The following PCDHGA2 variants were observed in gnomAD, a reference collection of about 807,000 sequenced individuals.
The protein encoded by PCDHGA2 is protocadherin gamma-A2.
PCDHGA2 carries 40 observed loss-of-function variants against 59.2 expected under a neutral mutation model. That is an observed-to-expected ratio of 0.68 (90% CI 0.52 to 0.88). PCDHGA2 has a LOEUF of 0.88. PCDHGA2 is among the 40% of genes least tolerant of loss of function. PCDHGA2 has a pLI of 0.00. For missense variants in PCDHGA2, 1,226 were observed against 1,204.0 expected (o/e 1.02, Z -0.27); for synonymous variants, 560 against 526.0 (o/e 1.06, Z -0.89).
intron 1 of PCDHGA2, among the ~76,000 whole-genome samples, chr5:141,482,329 T>A (rs1334833454): frequency 6.6e-6 from 1 of 152,160 alleles, no homozygotes; most frequent in Non-Finnish European, 1.5e-5. Context: ...ATAAAGAGAA[T>A]ATCTACTTTG....
At chr5:141,419,807 G>A in intron 1 of PCDHGA2, 2 of 1,614,074 alleles carry the variant, frequency 1.2e-6, no homozygotes, top group South Asian at 1.1e-5. Flanking sequence ...AAGAGATGGA[G>A]GACAGCCACC....
At chr5:141,408,342 TG>T in intron 1 of PCDHGA2, 1 of 1,613,856 alleles carries the variant, frequency 6.2e-7, no homozygotes, top group Non-Finnish European at 8.5e-7. Context: ...GGCTCGGTGG[TG>T]GGGAACCTCG....
chr5:141,457,058 T>A (rs756862311), intron 1 of PCDHGA2, among the ~76,000 whole-genome samples: 2 of 152,230 alleles, frequency 1.3e-5, no homozygotes, highest in Non-Finnish European at 2.9e-5. Flanking sequence ...TCATGCTTCC[T>A]TTTTGCCAGT....
At chr5:141,423,089 G>A in intron 1 of PCDHGA2, 1 of 1,614,016 alleles carries the variant, frequency 6.2e-7, no homozygotes, top group Non-Finnish European at 8.5e-7. Flanking sequence ...TTCGCGGTGG[G>A]GGAGCACACG....
chr5:141,371,294 A>T, intron 1 of PCDHGA2: 2 of 1,614,012 alleles, frequency 1.2e-6, no homozygotes, highest in Non-Finnish European at 1.7e-6. Flanking sequence ...AAACGGGGGA[A>T]CTCACCACTA....
intron 1 of PCDHGA2, chr5:141,364,702 C>A: frequency 1.2e-6 from 2 of 1,613,920 alleles, no homozygotes; most frequent in Non-Finnish European, 1.7e-6. Flanking sequence ...TAGAAATAAT[C>A]GATATTAATG....
At chr5:141,478,675 G>T in intron 1 of PCDHGA2, 1 of 1,551,574 alleles carries the variant, frequency 6.4e-7, no homozygotes, top group Non-Finnish European at 8.7e-7. Flanking sequence ...ACTTTCAACT[G>T]GCCCTTCCTA....
rs1369150914 is a variant in PCDHGA2 at position 141,432,217 on chromosome 5, G to A, written c.2425-62590G>A. The A allele has an allele frequency of 3.1e-6, 5 of 1,614,204 alleles. No individual in the cohort carries two copies. The East Asian group carries it at 6.7e-5, about 22-fold the overall frequency. On this transcript the variant is annotated intron_variant, in intron 1 of 3. Coordinates refer to ENST00000394576, the MANE Select transcript of PCDHGA2 (RefSeq NM_018915.4). The surrounding 1 kb of genome is among the most constrained non-coding windows in gnomAD (Gnocchi z 6.0). ...ACCCCGACTGTGAAGAGAACGCCCAGATCACTTATTCCCTGGCTGAGAACA... is the reference window on the plus strand; with the variant it reads ...ACCCCGACTGTGAAGAGAACGCCCAAATCACTTATTCCCTGGCTGAGAACA...
intron 1 of PCDHGA2, chr5:141,372,545 C>T (rs778761799): frequency 6.2e-7 from 1 of 1,614,032 alleles, no homozygotes; most frequent in South Asian, 1.1e-5. Flanking sequence ...GCCTGCGATG[C>T]TCCTCCAGAC....
chr5:141,362,414 C>G, intron 1 of PCDHGA2: 1 of 1,614,058 alleles, frequency 6.2e-7, no homozygotes, highest in Non-Finnish European at 8.5e-7. Context: ...GCCTCACAAT[C>G]AGCCAAGACA....
intron 1 of PCDHGA2, chr5:141,371,977 T>C (rs1768257593): frequency 1.2e-6 from 2 of 1,613,238 alleles, no homozygotes; most frequent in Non-Finnish European, 1.7e-6. Context: ...CTGCGTGCCT[T>C]CGAGCTCACT....
At chr5:141,409,122 T>G (rs1276365021) in intron 1 of PCDHGA2, 1 of 1,614,026 alleles carries the variant, frequency 6.2e-7, no homozygotes, top group South Asian at 1.1e-5. Context: ...AACCAGTCAT[T>G]TGATTTTGAA....
chr5:141,476,224 G>T lies in PCDHGA2; in HGVS notation c.2425-18583G>T. 6.2e-7 allele frequency: 1 copy of T among 1,614,062 alleles called. No individual in the cohort carries two copies. The highest frequency in any genetic ancestry group is 1.1e-5 in the South Asian group (1 of 91,072). ...AGGCTTCCACGGTCATTCACTATGA[G>T]ATCCCGGAGGAAAGAGAGAAGGGTT... On this transcript the variant is annotated intron_variant, in intron 1 of 3. Transcript: ENST00000394576. This position sits in a 1 kb window ranked among gnomAD's most constrained non-coding sequence, Gnocchi z 7.6.
Position 141,491,324 on chromosome 5 carries a change from T to C in PCDHGA2, c.2425-3483T>C, listed in dbSNP as rs762200164. 16 of 1,614,060 alleles carry C rather than the reference T, an allele frequency of 9.9e-6. No homozygotes were observed. The highest frequency in any genetic ancestry group is 8.3e-5 in the Admixed American group (5 of 60,010). On this transcript the variant is annotated intron_variant, in intron 1 of 3. Transcript: ENST00000394576. This position sits in a 1 kb window ranked among gnomAD's most constrained non-coding sequence, Gnocchi z 6.9. ...CGTTCAGACCTTACCCTTTACCTCA[T>C]TGTGGCTCTAGCGACCGTCAGTCTC...
Position 141,432,184 on chromosome 5 carries a change from C to T in PCDHGA2, c.2425-62623C>T, listed in dbSNP as rs774512372. 3.7e-6 allele frequency: 6 copies of T among 1,614,164 alleles called. No homozygotes were observed. The highest frequency in any genetic ancestry group is 2.2e-5 in the South Asian group (2 of 91,080). On this transcript the variant is annotated intron_variant, in intron 1 of 3. Transcript: ENST00000394576. The surrounding 1 kb of genome is among the most constrained non-coding windows in gnomAD (Gnocchi z 6.0). Reference sequence around the variant, plus strand: ...GAGGAGTTTCCCTCGTCTCTGTGACCGCCCACGACCCCGACTGTGAAGAGA... The same window carrying T: ...GAGGAGTTTCCCTCGTCTCTGTGACTGCCCACGACCCCGACTGTGAAGAGA...
At chr5:141,396,954 C>G (rs2093459266) in intron 1 of PCDHGA2, among the ~76,000 whole-genome samples, 1 of 152,172 alleles carries the variant, frequency 6.6e-6, no homozygotes. Flanking sequence ...GAAAGAAAAT[C>G]CTTACTCTCC....
chr5:141,355,393 C>T lies in PCDHGA2; in HGVS notation c.2424+13998C>T, dbSNP rs375047889. 2.4e-5 allele frequency: 38 copies of T among 1,613,946 alleles called. No individual in the cohort carries two copies. The African/African-American group carries it at 4.7e-4, about 20-fold the overall frequency. On this transcript the variant is annotated intron_variant, in intron 1 of 3. Transcript: ENST00000394576. ...CCGGGAGCTGGCGGAGCGCGGAGTC[C>T]GCATCGTCTCCAGAGGTAGGACGCA...
In PCDHGA2 at chr5:141,341,121, G is replaced by A. The variant is rs758237668; in HGVS notation, c.2150G>A (p.Arg717Gln). ...ATCGTGTTGCTGGCGCACAGGCTGC[G>A]GCGCTGGCACAAGTCACGCCTGCTG... ...FVIVLLAHRLRRWHKSRLLQA... is the reference protein window; with the variant it reads ...FVIVLLAHRLQRWHKSRLLQA... The change falls in exon 1 of 4, where the codon CGG becomes CAG. Residue 717 changes from arginine (R) to glutamine (Q), a missense_variant. By Grantham distance (43) the Arg-to-Gln change is conservative. Coordinates refer to ENST00000394576, the MANE Select transcript of PCDHGA2 (RefSeq NM_018915.4). 7 of 1,614,094 alleles carry A rather than the reference G, an allele frequency of 4.3e-6. No homozygotes were observed. Among genetic ancestry groups the A allele is most frequent in the Admixed American group, 3.3e-5 (2 of 60,014 alleles).
chr5:141,472,980 C>CAAAAAAAAAAAAAAA (rs60579131), intron 1 of PCDHGA2, among the ~76,000 whole-genome samples: 13 of 86,076 alleles, frequency 1.5e-4, no homozygotes, highest in African/African-American at 1.9e-4. Context: ...GAGTGAAACT[C>CAAAAAAAAAAAAAAA]AAAAAAAAAA....
Sources: allele counts gnomAD v4.1 joint callset (sites outside exome capture counted in the v4.1 genomes callset), GRCh38; gene constraint gnomAD v4.1.1; non-coding constraint Gnocchi (gnomAD v3.1); transcripts MANE v1.5; gene names NCBI Gene and HGNC (gene_info 2026-07-23, HGNC 2026-07-21).